The following CCM2L variants were observed in gnomAD, a reference collection of about 807,000 sequenced individuals.
The protein encoded by CCM2L is cerebral cavernous malformations 2 protein-like.
Under a neutral mutation model 54.1 loss-of-function variants are expected in CCM2L, and 36 were observed. That is an observed-to-expected ratio of 0.67 (90% CI 0.51 to 0.88). The LOEUF (loss-of-function observed/expected upper bound fraction) is 0.88. Ranked by LOEUF, CCM2L falls within the 40% of genes least tolerant of loss-of-function variation. The pLI is 0.00. For synonymous variants in CCM2L, 351 were observed against 359.3 expected (o/e 0.98, Z 0.26); for missense variants, 700 against 812.1 (o/e 0.86, Z 1.68).
rs1199350310 is a variant in CCM2L, at chr20:32,031,851, A to G, written c.*537A>G. ...TGTAGAAGGTCTTTTTAAGGCTCTA[A>G]ATGTCAGGGTCTCCCATCCCCTGAT... On this transcript the variant is annotated 3_prime_UTR_variant, in exon 10 of 10. Coordinates refer to ENST00000452892, the MANE Select transcript of CCM2L (RefSeq NM_001365692.1). 2 of 152,326 alleles carry G rather than the reference A, an allele frequency of 1.3e-5. No individual in the cohort carries two copies. The highest frequency in any genetic ancestry group is 4.8e-5 in the African/African-American group (2 of 41,410). 9.4% of individuals were successfully genotyped at this position (152,326 alleles called of 1,614,324 possible). A position where few individuals can be genotyped will look rare whatever the true frequency, so the allele number is the denominator to read the frequency against.
At chr20:32,017,094 G>A (rs1311717258) in intron 2 of CCM2L, among the ~76,000 whole-genome samples, 2 of 152,206 alleles carry the variant, frequency 1.3e-5, no homozygotes, top group Non-Finnish European at 2.9e-5. Flanking sequence ...CTTGCAGTGA[G>A]CTGATATCTT....
At chr20:32,017,735 C>A in intron 2 of CCM2L, 65 bp from the exon 3 acceptor site, 2 of 1,297,504 alleles carry the variant, frequency 1.5e-6, no homozygotes, top group East Asian at 2.3e-5. Context: ...AATGAGAAGG[C>A]CAGGGTTCTT....
Position 32,015,859 on chromosome 20 carries a change from C to CTTTTTTTTTTTTTTT in CCM2L, c.198+789_198+803dup, listed in dbSNP as rs199989562. Reference sequence around the variant, plus strand: ...CTTCCACCACTTAGGAGCTGTACTTCTTTTTTTTTTTTTTTGAGACAGAGT... The same window carrying CTTTTTTTTTTTTTTT: ...CTTCCACCACTTAGGAGCTGTACTTCTTTTTTTTTTTTTTTTTTTTTTTTTTTTTTGAGACAGAGT... On this transcript the variant is annotated intron_variant, in intron 2 of 9. Coordinates refer to ENST00000452892, the MANE Select transcript of CCM2L (RefSeq NM_001365692.1). Among the ~76,000 whole-genome samples, 164 of 127,814 alleles carry CTTTTTTTTTTTTTTT rather than the reference C, an allele frequency of 1.3e-3. 6 individuals are homozygous for CTTTTTTTTTTTTTTT. Among genetic ancestry groups the CTTTTTTTTTTTTTTT allele is most frequent in the Middle Eastern group, 8.9e-3 (2 of 224 alleles). 83.9% of individuals were successfully genotyped at this position (127,814 alleles called of 152,430 possible).
chr20:32,026,577 TA>T (rs887951443), intron 7 of CCM2L, among the ~76,000 whole-genome samples: 1 of 152,020 alleles, frequency 6.6e-6, no homozygotes, highest in African/African-American at 2.4e-5. Flanking sequence ...AATTTAGGAT[TA>T]AAAAAATATA....
intron 9 of CCM2L, 60 bp downstream of exon 9, chr20:32,029,898 C>T: frequency 6.8e-7 from 1 of 1,467,712 alleles, no homozygotes; most frequent in Middle Eastern, 2.0e-4. Flanking sequence ...CATGCCATCC[C>T]AGTCAGGCAC....
In CCM2L at chr20:32,031,337, G is replaced by A. The variant is rs2064925427; in HGVS notation, c.*23G>A. The stretch of plus-strand genomic sequence containing the variant: ...TAGCCACCGCCCCTGCGGACGGCGT[G>A]GCTCAGCAGCCCACCTCTGAGTCTC... On this transcript the variant is annotated 3_prime_UTR_variant, in exon 10 of 10. Transcript: ENST00000452892. 8.0e-7 allele frequency: 1 copy of A among 1,253,084 alleles called. No individual in the cohort carries two copies. The highest frequency in any genetic ancestry group is 1.0e-6 in the Non-Finnish European group (1 of 971,798). 77.6% of individuals were successfully genotyped at this position (1,253,084 alleles called of 1,614,324 possible). A position where few individuals can be genotyped will look rare whatever the true frequency, so the allele number is the denominator to read the frequency against.
At chr20:32,015,153 C>T (rs770402946) in intron 2 of CCM2L, 82 bp downstream of exon 2, 38 of 1,332,836 alleles carry the variant, frequency 2.9e-5, no homozygotes, top group South Asian at 1.5e-4. Flanking sequence ...TCTGATCAGC[C>T]GTATCTCACA....
intron 6 of CCM2L, among the ~76,000 whole-genome samples, chr20:32,025,050 T>TTTC (rs890491830): frequency 7.8e-6 from 1 of 128,814 alleles, no homozygotes; most frequent in Non-Finnish European, 1.7e-5. Flanking sequence ...TCTTCCTCTC[T>TTTC]TTCTTCTTCT....
chr20:32,020,976 A>C, intron 5 of CCM2L, among the ~76,000 whole-genome samples: 1 of 152,242 alleles, frequency 6.6e-6, no homozygotes, highest in African/African-American at 2.4e-5. Flanking sequence ...AAAACAAAAC[A>C]AAAAAACATC....
chr20:32,022,606 A>G, intron 5 of CCM2L, 54 bp from the exon 6 acceptor site: 4 of 1,600,086 alleles, frequency 2.5e-6, no homozygotes, highest in South Asian at 2.2e-5. Flanking sequence ...GAAGCAGGGT[A>G]ACATCTTGGT....
intron 1 of CCM2L, among the ~76,000 whole-genome samples, chr20:32,014,356 C>A (rs957953674): frequency 1.3e-5 from 2 of 151,014 alleles, no homozygotes; most frequent in African/African-American, 2.4e-5. Flanking sequence ...GCCTCTGCCT[C>A]CTGGGTTCAA....
At chr20:32,018,915 C>A (rs2064768956) in intron 4 of CCM2L, 28 bp from the exon 5 acceptor site, 4 of 1,279,208 alleles carry the variant, frequency 3.1e-6, no homozygotes, top group Non-Finnish European at 3.9e-6. Context: ...CCGATCCCCG[C>A]GGCTGACGGT....
intron 4 of CCM2L, among the ~76,000 whole-genome samples, chr20:32,018,366 A>C (rs2064762480): frequency 6.6e-6 from 1 of 152,168 alleles, no homozygotes; most frequent in Admixed American, 6.5e-5. Context: ...GCTCTGGGAA[A>C]GCAGACAGGG....
At chr20:32,021,062 T>G (rs552383563) in intron 5 of CCM2L, among the ~76,000 whole-genome samples, 11 of 151,656 alleles carry the variant, frequency 7.3e-5, no homozygotes, top group African/African-American at 2.7e-4. Flanking sequence ...ACCTGAATCA[T>G]GTGGTCATCC....
chr20:32,030,979 C>T (rs767586605), intron 9 of CCM2L, 22 bp from the exon 10 acceptor site: 90 of 1,303,550 alleles, frequency 6.9e-5, no homozygotes, highest in Non-Finnish European at 8.7e-5. Flanking sequence ...CCTGGGGACT[C>T]ACCATGCCCC....
chr20:32,011,708 T>C, intron 1 of CCM2L, among the ~76,000 whole-genome samples: 1 of 151,380 alleles, frequency 6.6e-6, no homozygotes, highest in East Asian at 1.9e-4. Context: ...GGAAGGAAAG[T>C]GGGTAGGGAA....
intron 9 of CCM2L, 80 bp downstream of exon 9, chr20:32,029,918 A>G: frequency 5.6e-6 from 8 of 1,422,414 alleles, no homozygotes; most frequent in Non-Finnish European, 7.4e-6. Context: ...CCAGGCTGCA[A>G]ATGTTTTCTC....
chr20:32,016,016 G>A lies in CCM2L; in HGVS notation c.198+945G>A, dbSNP rs139161815. Among the ~76,000 whole-genome samples the A allele has an allele frequency of 2.7e-3, 414 of 151,876 alleles. 1 individual carries two copies. The highest frequency in any genetic ancestry group is 9.5e-3 in the African/African-American group (392 of 41,410). On this transcript the variant is annotated intron_variant, in intron 2 of 9. Transcript: ENST00000452892. ...GGACTACCGGCACGCACCACCACAC[G>A]CAGCTAATTTTTTTGTATTTTTAAT... is the stretch of plus-strand genomic sequence containing the variant.
Position 32,019,064 on chromosome 20 carries a change from C to T in CCM2L, c.588C>T (p.His196=). 4.0e-6 allele frequency: 5 copies of T among 1,263,742 alleles called. No individual in the cohort carries two copies. Among genetic ancestry groups the T allele is most frequent in the Non-Finnish European group, 5.0e-6 (5 of 1,008,820 alleles). 78.3% of individuals were successfully genotyped at this position (1,263,742 alleles called of 1,614,324 possible). A position where few individuals can be genotyped will look rare whatever the true frequency, so the allele number is the denominator to read the frequency against. ...KRRVGTAERR[H]TICSLDWRMG... ...GGGTGGGCACCGCGGAGCGGCGCCA[C>T]ACCATCTGCAGCCTGGACTGGCGGA... Residue 196 remains histidine (H), a synonymous_variant, in exon 5 of 10, where the codon CAC becomes CAT. Coordinates refer to ENST00000452892, the MANE Select transcript of CCM2L (RefSeq NM_001365692.1).
Sources: gnomAD v4.1 joint callset for allele counts (sites outside exome capture counted in the v4.1 genomes callset) on GRCh38, gnomAD v4.1.1 for gene constraint, MANE v1.5 for transcripts, NCBI Gene and HGNC (gene_info 2026-07-23, HGNC 2026-07-21) for gene names.